Variants in SHROOM3 observed in about 807,000 individuals in gnomAD.
The protein encoded by SHROOM3 is protein Shroom3.
Under a neutral mutation model 138.6 loss-of-function variants are expected in SHROOM3, and 47 were observed. The ratio of observed to expected loss-of-function variants is 0.34; its 90% CI spans 0.27 to 0.43. SHROOM3 has a LOEUF of 0.43. Ranked by LOEUF, SHROOM3 falls within the 20% of genes least tolerant of loss-of-function variation. SHROOM3 has a pLI of 1.00. For missense variants in SHROOM3, 2,491 were observed against 2,596.5 expected (o/e 0.96, Z 0.88); for synonymous variants, 1,062 against 1,063.3 (o/e 1.00, Z 0.02).
chr4:76,669,305 ATTACT>A, intron 2 of SHROOM3, among the ~76,000 whole-genome samples: 1 of 151,948 alleles, frequency 6.6e-6, no homozygotes, highest in East Asian at 1.9e-4. Flanking sequence ...GTAGGGATAA[ATTACT>A]CTAAAACAAA....
rs1425951649 is a variant in SHROOM3 at position 76,664,193 on chromosome 4, A to C, written c.324-45963A>C. 6.6e-6 allele frequency among the ~76,000 whole-genome samples: 1 copy of C among 152,230 alleles called. No homozygotes were observed. ...TGTCAGCATTCATGTAATTTCAAAA[A>C]GTATCCCTTTCCTTATGTGCTAGCT... is the stretch of plus-strand genomic sequence containing the variant. On this transcript the variant is annotated intron_variant, in intron 2 of 10. Coordinates refer to ENST00000296043, the MANE Select transcript of SHROOM3 (RefSeq NM_020859.4). This position sits in a 1 kb window ranked among gnomAD's most constrained non-coding sequence, Gnocchi z 4.2.
At chr4:76,503,159 G>A (rs1732135180) in intron 1 of SHROOM3, among the ~76,000 whole-genome samples, 1 of 60,116 alleles carries the variant, frequency 1.7e-5, no homozygotes, top group South Asian at 5.7e-4. Flanking sequence ...GAAATAGTTT[G>A]TCAACTTCCA....
rs573431260 is a variant in SHROOM3, at chr4:76,738,108, GCTTCCCTCTC to G, written c.588-643_588-634del. On this transcript the variant is annotated intron_variant, in intron 4 of 10. Transcript: ENST00000296043. The stretch of plus-strand genomic sequence containing the variant: ...CCCTGTGATTAAGCCTTCTCATAAA[GCTTCCCTCTC>G]CTTCCCTCTTTCCCCTTAGTTCTGC... Among the ~76,000 whole-genome samples, 370 of 152,076 alleles carry G rather than the reference GCTTCCCTCTC, an allele frequency of 2.4e-3. 1 individual carries two copies. Among genetic ancestry groups the G allele is most frequent in the African/African-American group, 8.4e-3 (347 of 41,490 alleles).
rs1264776165 is a variant in SHROOM3, at chr4:76,631,268, G to A, written c.323+75505G>A. Among the ~76,000 whole-genome samples, 3 of 141,856 alleles carry A rather than the reference G, an allele frequency of 2.1e-5. 1 individual carries two copies. Among genetic ancestry groups the A allele is most frequent in the African/African-American group, 5.3e-5 (2 of 37,644 alleles). 93.1% of individuals were successfully genotyped at this position (141,856 alleles called of 152,430 possible). On this transcript the variant is annotated intron_variant, in intron 2 of 10. Transcript: ENST00000296043. ...GTTGCACCCAGGCTGGAGTGTAGTGGTGCAATCTTGGCTCACTGAAACCTC... is the reference window on the plus strand; with the variant it reads ...GTTGCACCCAGGCTGGAGTGTAGTGATGCAATCTTGGCTCACTGAAACCTC...
chr4:76,445,588 T>C (rs981438399), intron 1 of SHROOM3, among the ~76,000 whole-genome samples: 5 of 152,034 alleles, frequency 3.3e-5, no homozygotes, highest in Admixed American at 3.3e-4. Flanking sequence ...AAAAAGAAAG[T>C]CAGTGTTATT....
intron 2 of SHROOM3, among the ~76,000 whole-genome samples, chr4:76,617,233 G>A (rs1308065089): frequency 6.6e-6 from 1 of 152,200 alleles, no homozygotes; most frequent in African/African-American, 2.4e-5. Flanking sequence ...AGTTATTTGT[G>A]AGACAAGTAA....
intron 1 of SHROOM3, among the ~76,000 whole-genome samples, chr4:76,462,063 C>G (rs1731152118): frequency 6.6e-6 from 1 of 152,168 alleles, no homozygotes; most frequent in Admixed American, 6.5e-5. Flanking sequence ...TTAGCTCTTT[C>G]TCTACATCCC....
chr4:76,779,190 T>TACCC lies in SHROOM3; in HGVS notation c.*15_*18dup. 1.9e-6 allele frequency: 3 copies of TACCC among 1,586,020 alleles called. No individual in the cohort carries two copies. Among genetic ancestry groups the TACCC allele is most frequent in the Non-Finnish European group, 8.6e-7 (1 of 1,165,574 alleles). ...CTCTCCACTTTAACCTCTTCTAAAA[T>TACCC]ACCCAACCAAAAGATCACTGTTTCT... On this transcript the variant is annotated 3_prime_UTR_variant, in exon 11 of 11. Coordinates refer to ENST00000296043, the MANE Select transcript of SHROOM3 (RefSeq NM_020859.4).
At chr4:76,735,839 TAAAAAAAAAAAAAAAA>T (rs1170202101) in intron 4 of SHROOM3, among the ~76,000 whole-genome samples, 1 of 75,836 alleles carries the variant, frequency 1.3e-5, no homozygotes, top group East Asian at 8.1e-4. Flanking sequence ...GACTCTATCT[TAAAAAAAAAAAAAAAA>T]AAAAAAAAAA....
At chr4:76,776,640 G>A (rs764594926) in intron 10 of SHROOM3, among the ~76,000 whole-genome samples, 2 of 152,154 alleles carry the variant, frequency 1.3e-5, no homozygotes, top group African/African-American at 4.8e-5. Context: ...AGCAGTAGAC[G>A]CTTAATATAA....
At chr4:76,715,698 A>C (rs1404740453) in intron 3 of SHROOM3, among the ~76,000 whole-genome samples, 1 of 152,214 alleles carries the variant, frequency 6.6e-6, no homozygotes, top group Non-Finnish European at 1.5e-5. Context: ...ATGAATGGAT[A>C]ATAGAAGCTC....
At chr4:76,730,702 AG>A (rs1720845017) in intron 3 of SHROOM3, 101 bp from the exon 4 acceptor site, 1 of 1,500,490 alleles carries the variant, frequency 6.7e-7, no homozygotes, top group African/African-American at 1.4e-5. Flanking sequence ...TCAATCTCTG[AG>A]GACACAGCAG....
At position 76,779,232 on chromosome 4, in the gene SHROOM3, C is replaced by G. The variant is rs201236757; in HGVS notation, c.*55C>G. 7.9e-5 allele frequency: 122 copies of G among 1,535,744 alleles called. 2 individuals are homozygous for G. The South Asian group carries it at 1.4e-3, about 18-fold the overall frequency. On this transcript the variant is annotated 3_prime_UTR_variant, in exon 11 of 11. Coordinates refer to ENST00000296043, the MANE Select transcript of SHROOM3 (RefSeq NM_020859.4). ...ACTGTTTCTCTCAACACTATTTAAT[C>G]TGAAAAATGTTTCAGTACAAACCAC... is the stretch of plus-strand genomic sequence containing the variant.
At chr4:76,445,495 C>G (rs1002376252) in intron 1 of SHROOM3, among the ~76,000 whole-genome samples, 1 of 152,074 alleles carries the variant, frequency 6.6e-6, no homozygotes, top group African/African-American at 2.4e-5. Context: ...TGAGCCAAGA[C>G]CTAATAAGAA....
At chr4:76,503,649 A>G (rs551058770) in intron 1 of SHROOM3, among the ~76,000 whole-genome samples, 26 of 152,146 alleles carry the variant, frequency 1.7e-4, no homozygotes, top group African/African-American at 6.3e-4. Flanking sequence ...GGCTGGTCTC[A>G]AACTCCCGAC....
chr4:76,516,081 C>T (rs1354941709), intron 1 of SHROOM3, among the ~76,000 whole-genome samples: 1 of 152,146 alleles, frequency 6.6e-6, no homozygotes, highest in Non-Finnish European at 1.5e-5. Flanking sequence ...GTGAAACTAG[C>T]AGTAGACCGA....
chr4:76,472,143 A>T (rs72657871), intron 1 of SHROOM3, among the ~76,000 whole-genome samples: 7,347 of 152,278 alleles, frequency 0.048, 204 homozygotes, highest in Middle Eastern at 0.075. Flanking sequence ...TTAGTAGTAG[A>T]ATTATGTTTC....
intron 1 of SHROOM3, among the ~76,000 whole-genome samples, chr4:76,553,151 G>A (rs1284807330): frequency 6.6e-6 from 1 of 150,854 alleles, no homozygotes; most frequent in Non-Finnish European, 1.5e-5. Context: ...GGACATTTTT[G>A]TTTTGTTTTG....
rs545859304 is a variant in SHROOM3 at position 76,601,954 on chromosome 4, G to C, written c.323+46191G>C. Among the ~76,000 whole-genome samples, 6 of 152,312 alleles carry C rather than the reference G, an allele frequency of 3.9e-5. No individual in the cohort carries two copies. In the East Asian group the frequency reaches 7.7e-4, roughly 20 times the overall value. On this transcript the variant is annotated intron_variant, in intron 2 of 10. Coordinates refer to ENST00000296043, the MANE Select transcript of SHROOM3 (RefSeq NM_020859.4). ...AAAAACAACAACCAGGTTGATTCAAGGGTTCACTTCTCAGCTGATTGGTTC... is the reference window on the plus strand; with the variant it reads ...AAAAACAACAACCAGGTTGATTCAACGGTTCACTTCTCAGCTGATTGGTTC...
Sources: allele counts gnomAD v4.1 joint callset (sites outside exome capture counted in the v4.1 genomes callset), GRCh38; gene constraint gnomAD v4.1.1; non-coding constraint Gnocchi (gnomAD v3.1); transcripts MANE v1.5; gene names NCBI Gene and HGNC (gene_info 2026-07-23, HGNC 2026-07-21).